SNTB1: variants seen among roughly 807,000 people sequenced by gnomAD.
SNTB1 encodes the protein syntrophin beta 1.
SNTB1 carries 36 observed loss-of-function variants against 48.9 expected under a neutral mutation model. The ratio of observed to expected loss-of-function variants is 0.74; its 90% CI spans 0.56 to 0.97. The LOEUF is 0.97. SNTB1 is among the 50% of genes least tolerant of loss of function. The probability of loss-of-function intolerance (pLI) is 0.00; values close to 1 mark genes in which losing one functional copy is unlikely to be tolerated. For missense variants in SNTB1, 786 were observed against 703.4 expected (o/e 1.12, Z -1.33); for synonymous variants, 299 against 294.6 (o/e 1.01, Z -0.15).
At chr8:120,688,736 G>A (rs1818075474) in intron 2 of SNTB1, among the ~76,000 whole-genome samples, 1 of 152,212 alleles carries the variant, frequency 6.6e-6, no homozygotes, top group African/African-American at 2.4e-5. Flanking sequence ...CAGAAACGAT[G>A]AGGTAAAGAG....
intron 2 of SNTB1, among the ~76,000 whole-genome samples, chr8:120,665,771 T>C (rs1817664283): frequency 6.6e-6 from 1 of 152,226 alleles, no homozygotes; most frequent in African/African-American, 2.4e-5. Flanking sequence ...TGAAGTACTT[T>C]TTGCATTTGG....
At chr8:120,574,779 T>C (rs1815923550) in intron 4 of SNTB1, among the ~76,000 whole-genome samples, 1 of 152,150 alleles carries the variant, frequency 6.6e-6, no homozygotes, top group Admixed American at 6.5e-5. Flanking sequence ...TATAAACACA[T>C]ATGTCCAGTT....
chr8:120,764,666 A>T (rs4545142), intron 1 of SNTB1, among the ~76,000 whole-genome samples: 19,328 of 152,142 alleles, frequency 0.13, 4,081 homozygotes, highest in African/African-American at 0.44. Flanking sequence ...AGAATATATA[A>T]CAGATAAAAC....
intron 4 of SNTB1, among the ~76,000 whole-genome samples, chr8:120,557,040 G>A (rs1163759125): frequency 6.6e-6 from 1 of 152,140 alleles, no homozygotes; most frequent in Non-Finnish European, 1.5e-5. Flanking sequence ...CAAAGGAGAG[G>A]AAGTTTATAC....
intron 2 of SNTB1, among the ~76,000 whole-genome samples, chr8:120,647,406 C>T (rs1200294968): frequency 6.7e-6 from 1 of 149,468 alleles, no homozygotes; most frequent in Non-Finnish European, 1.5e-5. Flanking sequence ...TTTATTTCTG[C>T]CTTCATTTCG....
intron 3 of SNTB1, among the ~76,000 whole-genome samples, chr8:120,587,202 C>T (rs1034298085): frequency 4.6e-5 from 7 of 150,940 alleles, no homozygotes; most frequent in African/African-American, 7.3e-5. Flanking sequence ...GCCTGGGCAA[C>T]GGAGCGAGAC....
chr8:120,659,671 T>C (rs539878497), intron 2 of SNTB1, among the ~76,000 whole-genome samples: 2 of 152,326 alleles, frequency 1.3e-5, no homozygotes, highest in Non-Finnish European at 2.9e-5. Flanking sequence ...GGAATTACTA[T>C]CTATGGCAGC....
chr8:120,652,453 G>T (rs1485171243), intron 2 of SNTB1, among the ~76,000 whole-genome samples: 1 of 152,036 alleles, frequency 6.6e-6, no homozygotes, highest in Non-Finnish European at 1.5e-5. Flanking sequence ...AATACTGGGG[G>T]GTTGGATGGA....
intron 1 of SNTB1, among the ~76,000 whole-genome samples, chr8:120,757,622 C>A (rs996438224): frequency 1.3e-5 from 2 of 152,126 alleles, no homozygotes; most frequent in Non-Finnish European, 2.9e-5. Flanking sequence ...CTAATCACCC[C>A]AGATGTCTCT....
At chr8:120,589,871 C>A (rs1816210843) in intron 3 of SNTB1, among the ~76,000 whole-genome samples, 1 of 152,230 alleles carries the variant, frequency 6.6e-6, no homozygotes, top group African/African-American at 2.4e-5. Flanking sequence ...CATGCAGACA[C>A]ATTCAGTCCA....
At chr8:120,787,265 A>G (rs1819940265) in intron 1 of SNTB1, among the ~76,000 whole-genome samples, 1 of 152,162 alleles carries the variant, frequency 6.6e-6, no homozygotes, top group Non-Finnish European at 1.5e-5. Flanking sequence ...GAAATAGTTT[A>G]CCTAAAAAAG....
chr8:120,596,527 GCTGTGCTC>G (rs1023496036), intron 3 of SNTB1, among the ~76,000 whole-genome samples: 4 of 149,776 alleles, frequency 2.7e-5, no homozygotes, highest in African/African-American at 9.9e-5. Context: ...TGTCAGCATG[GCTGTGCTC>G]CTGTCTGGAG....
intron 1 of SNTB1, among the ~76,000 whole-genome samples, chr8:120,709,106 G>A (rs926437374): frequency 6.6e-6 from 1 of 152,060 alleles, no homozygotes; most frequent in Non-Finnish European, 1.5e-5. Flanking sequence ...GAAGGAGGGA[G>A]GGAGAAAGAG....
chr8:120,623,638 C>T (rs116253163), intron 3 of SNTB1, among the ~76,000 whole-genome samples: 3,098 of 152,324 alleles, frequency 0.02, 99 homozygotes, highest in African/African-American at 0.072. Flanking sequence ...CTAATCTCAT[C>T]TGTCCAGTGC....
chr8:120,550,724 G>A (rs1353924650), intron 4 of SNTB1, among the ~76,000 whole-genome samples: 1 of 152,116 alleles, frequency 6.6e-6, no homozygotes, highest in Non-Finnish European at 1.5e-5. Flanking sequence ...AAGTGAGCAA[G>A]AGTCACTGAG....
rs768810109 is a variant in SNTB1, at chr8:120,811,650, T to C, written c.194A>G (p.Asn65Ser). The C allele has an allele frequency of 5.6e-6, 9 of 1,593,936 alleles. 1 individual carries two copies. Among genetic ancestry groups the C allele is most frequent in the Middle Eastern group, 1.7e-4 (1 of 5,896 alleles). The change falls in exon 1 of 7, where the codon AAT becomes AGT. Residue 65 changes from asparagine (N) to serine (S), a missense_variant. Coordinates refer to ENST00000517992, the MANE Select transcript of SNTB1 (RefSeq NM_021021.4). ...CCCGGCGCCCCTGCAGAACGAGCCA[T>C]TGGTGGCGGTCCCGATGCCGTTGTA... ...AAYNGIGTAT[N>S]GSFCRGAGAG...
At chr8:120,797,018 A>G (rs1297097053) in intron 1 of SNTB1, among the ~76,000 whole-genome samples, 1 of 151,976 alleles carries the variant, frequency 6.6e-6, no homozygotes, top group Non-Finnish European at 1.5e-5. Context: ...TTTACAAACC[A>G]TTTTCTAAGA....
At chr8:120,544,645 C>A (rs1260777066) in intron 5 of SNTB1, among the ~76,000 whole-genome samples, 1 of 152,138 alleles carries the variant, frequency 6.6e-6, no homozygotes, top group Admixed American at 6.5e-5. Context: ...TAAATTAAGC[C>A]AAATCCCTTT....
chr8:120,755,169 TGTGAGA>T (rs1382079905), intron 1 of SNTB1, among the ~76,000 whole-genome samples: 26 of 119,862 alleles, frequency 2.2e-4, no homozygotes, highest in African/African-American at 6.1e-4. Flanking sequence ...TGTGTGTGTG[TGTGAGA>T]GAGAGAGAGA....
Sources: gnomAD v4.1 joint callset for allele counts (sites outside exome capture counted in the v4.1 genomes callset) on GRCh38, gnomAD v4.1.1 for gene constraint, MANE v1.5 for transcripts, NCBI Gene and HGNC (gene_info 2026-07-23, HGNC 2026-07-21) for gene names.